The following MAD1L1 variants were observed in gnomAD, a reference collection of about 807,000 sequenced individuals.
The protein encoded by MAD1L1 is mitotic arrest deficient 1 like 1.
Under a neutral mutation model 96.9 loss-of-function variants are expected in MAD1L1, and 95 were observed. The ratio of observed to expected loss-of-function variants is 0.98; its 90% CI spans 0.83 to 1.16. The LOEUF is 1.16. MAD1L1 is among the 50% of genes most tolerant of loss of function. The pLI is 0.00. For missense variants in MAD1L1, 1,007 were observed against 954.4 expected (o/e 1.06, Z -0.73); for synonymous variants, 473 against 396.6 (o/e 1.19, Z -2.29).
In MAD1L1 at chr7:2,115,131, C is replaced by T. The variant is rs532594784; in HGVS notation, c.1073+34021G>A. Reference sequence around the variant, plus strand: ...GCCGGGGCCCACCACTGGCACACTGCGGAAGCACTCCCGCAGGAGGACATG... The same window carrying T: ...GCCGGGGCCCACCACTGGCACACTGTGGAAGCACTCCCGCAGGAGGACATG... On this transcript the variant is annotated intron_variant, in intron 11 of 18. Transcript: ENST00000265854. Among the ~76,000 whole-genome samples, 21 of 152,344 alleles carry T rather than the reference C, an allele frequency of 1.4e-4. No individual in the cohort carries two copies. In the South Asian group the frequency reaches 2.9e-3, roughly 21 times the overall value.
At chr7:1,982,062 T>C (rs1354859934) in intron 14 of MAD1L1, among the ~76,000 whole-genome samples, 1 of 152,090 alleles carries the variant, frequency 6.6e-6, no homozygotes, top group East Asian at 1.9e-4. Context: ...ATATGTTCCT[T>C]CCGGAGGCTG....
rs1274201634 is a variant in MAD1L1, at chr7:2,084,641, TG to T, written c.1074-15304del. ...CTGCAGCCGCCAGCACACCACTCAATGTGTCACCTACCGCCAGCTTGATCCC... is the reference window on the plus strand; with the variant it reads ...CTGCAGCCGCCAGCACACCACTCAATTGTCACCTACCGCCAGCTTGATCCC... On this transcript the variant is annotated intron_variant, in intron 11 of 18. Coordinates refer to ENST00000265854, the MANE Select transcript of MAD1L1 (RefSeq NM_001013836.2). Among the ~76,000 whole-genome samples the T allele has an allele frequency of 2.6e-5, 4 of 152,280 alleles. No homozygotes were observed. The East Asian group carries it at 7.7e-4, about 29-fold the overall frequency.
chr7:1,841,626 G>A (rs1783262869), intron 18 of MAD1L1, among the ~76,000 whole-genome samples: 1 of 152,226 alleles, frequency 6.6e-6, no homozygotes, highest in Non-Finnish European at 1.5e-5. Flanking sequence ...GCCTGAAGCT[G>A]GACGAGCCCA....
intron 10 of MAD1L1, among the ~76,000 whole-genome samples, chr7:2,167,733 A>G (rs1257041401): frequency 1.3e-5 from 2 of 151,328 alleles, no homozygotes; most frequent in African/African-American, 4.9e-5. Flanking sequence ...AAAAAATTAA[A>G]AAAAAAAACA....
At chr7:2,184,170 T>G (rs990285085) in intron 10 of MAD1L1, among the ~76,000 whole-genome samples, 71 of 152,036 alleles carry the variant, frequency 4.7e-4, no homozygotes, top group Non-Finnish European at 6.6e-4. Flanking sequence ...GAGAATGGCA[T>G]GAATCCGGGA....
chr7:2,132,325 T>C (rs978099264), intron 11 of MAD1L1, among the ~76,000 whole-genome samples: 1 of 152,224 alleles, frequency 6.6e-6, no homozygotes, highest in Non-Finnish European at 1.5e-5. Context: ...GGCTCACTTG[T>C]CATGTCTTAC....
chr7:2,018,453 G>A (rs781194922), intron 12 of MAD1L1, among the ~76,000 whole-genome samples: 5 of 152,252 alleles, frequency 3.3e-5, no homozygotes, highest in Admixed American at 6.5e-5. Flanking sequence ...AAGATGGCCA[G>A]GAGAGCAGGC....
chr7:1,922,818 C>T (rs1050584620), intron 17 of MAD1L1, among the ~76,000 whole-genome samples: 1 of 152,310 alleles, frequency 6.6e-6, no homozygotes, highest in South Asian at 2.1e-4. Context: ...GCCGAGTTTC[C>T]CCATGAACGT....
intron 18 of MAD1L1, among the ~76,000 whole-genome samples, chr7:1,861,375 C>T (rs1211068186): frequency 6.6e-6 from 1 of 152,232 alleles, no homozygotes; most frequent in Non-Finnish European, 1.5e-5. Flanking sequence ...AGGGCCAGGA[C>T]ACGCCTCTAA....
intron 17 of MAD1L1, among the ~76,000 whole-genome samples, chr7:1,929,462 A>C (rs967327265): frequency 6.6e-6 from 1 of 152,136 alleles, no homozygotes. Context: ...TGGGGCTCCT[A>C]TCCGCCAAGG....
chr7:2,078,308 C>T (rs1278008979), intron 11 of MAD1L1, among the ~76,000 whole-genome samples: 2 of 152,226 alleles, frequency 1.3e-5, no homozygotes, highest in African/African-American at 4.8e-5. Context: ...AGCGCTCCAT[C>T]CACCTCTGGC....
intron 12 of MAD1L1, among the ~76,000 whole-genome samples, chr7:2,057,848 G>T (rs1249344022): frequency 6.6e-6 from 1 of 152,196 alleles, no homozygotes; most frequent in East Asian, 1.9e-4. Context: ...CACACACCAC[G>T]CTTACTGATG....
chr7:2,203,423 C>T (rs1792419564), intron 10 of MAD1L1, among the ~76,000 whole-genome samples: 1 of 152,252 alleles, frequency 6.6e-6, no homozygotes, highest in Admixed American at 6.5e-5. Flanking sequence ...GTGACGGGAG[C>T]GCACAGCACT....
At chr7:1,882,556 G>A (rs953522683) in intron 18 of MAD1L1, among the ~76,000 whole-genome samples, 1 of 152,182 alleles carries the variant, frequency 6.6e-6, no homozygotes, top group Non-Finnish European at 1.5e-5. Flanking sequence ...GGGTGGCCTT[G>A]TCAGTTAACT....
chr7:1,987,478 GAGCACACA>G (rs1354780025), intron 14 of MAD1L1, among the ~76,000 whole-genome samples: 1 of 152,230 alleles, frequency 6.6e-6, no homozygotes, highest in Non-Finnish European at 1.5e-5. Context: ...CGCCCATGCT[GAGCACACA>G]AGCCCCGGAG....
At chr7:2,231,344 G>A (rs1341508332) in intron 1 of MAD1L1, among the ~76,000 whole-genome samples, 3 of 151,988 alleles carry the variant, frequency 2.0e-5, no homozygotes, top group Admixed American at 1.3e-4. Flanking sequence ...CATAAGCCAG[G>A]CACTGTTGCT....
chr7:2,216,459 G>C (rs73291536), intron 7 of MAD1L1, among the ~76,000 whole-genome samples, 172 bp from the exon 8 acceptor site: 2,635 of 152,352 alleles, frequency 0.017, 76 homozygotes, highest in African/African-American at 0.06. Context: ...GGCTCAGAAG[G>C]AGAGAGGCAG....
intron 15 of MAD1L1, among the ~76,000 whole-genome samples, chr7:1,975,175 C>T (rs563217160): frequency 2.6e-5 from 4 of 152,206 alleles, no homozygotes; most frequent in Admixed American, 1.3e-4. Flanking sequence ...TGAAGCTGCT[C>T]GGGGGAGGGA....
intron 3 of MAD1L1, among the ~76,000 whole-genome samples, chr7:2,228,884 G>T (rs936506045): frequency 3.9e-5 from 6 of 151,954 alleles, no homozygotes; most frequent in African/African-American, 1.5e-4. Context: ...GGGACTACAG[G>T]TGCCACGCCC....
Sources: allele counts gnomAD v4.1 joint callset (sites outside exome capture counted in the v4.1 genomes callset), GRCh38; gene constraint gnomAD v4.1.1; transcripts MANE v1.5; gene names NCBI Gene and HGNC (gene_info 2026-07-23, HGNC 2026-07-21).